CNTN5: variants seen among roughly 807,000 people sequenced by gnomAD.
CNTN5 encodes contactin 5, also known as contactin-5.
A neutral mutation model predicts 129.1 loss-of-function variants in CNTN5; 77 were observed. The ratio of observed to expected loss-of-function variants is 0.60; its 90% CI spans 0.50 to 0.72. The LOEUF is 0.72. CNTN5 is among the 30% of genes least tolerant of loss of function. The probability of loss-of-function intolerance (pLI) is 0.00; values close to 1 mark genes in which losing one functional copy is unlikely to be tolerated. For synonymous variants in CNTN5, 509 were observed against 465.6 expected, an observed-to-expected ratio of 1.09 and a Z score of -1.20; for missense variants, 1,478 against 1,328.8, an observed-to-expected ratio of 1.11 and a Z score of -1.75.
At chr11:99,728,377 C>CCAAATATA (rs1295023906) in intron 3 of CNTN5, among the ~76,000 whole-genome samples, 1 of 152,126 alleles carries the variant, frequency 6.6e-6, no homozygotes, top group Non-Finnish European at 1.5e-5. Flanking sequence ...CTTAAATTAA[C>CCAAATATA]CAAATATACT....
At chr11:100,119,049 A>AT (rs955703796) in intron 13 of CNTN5, among the ~76,000 whole-genome samples, 3 of 151,706 alleles carry the variant, frequency 2.0e-5, no homozygotes, top group Non-Finnish European at 4.4e-5. Context: ...GTTCAAAAAA[A>AT]AAACAAAAAA....
chr11:99,343,026 G>T (rs1447956105), intron 2 of CNTN5, among the ~76,000 whole-genome samples: 2 of 152,126 alleles, frequency 1.3e-5, no homozygotes, highest in Admixed American at 6.6e-5. Context: ...GGGAGCATTA[G>T]ATTGCTATCA....
chr11:99,785,573 A>T (rs1290494938), intron 3 of CNTN5, among the ~76,000 whole-genome samples: 1 of 152,164 alleles, frequency 6.6e-6, no homozygotes, highest in Admixed American at 6.5e-5. Flanking sequence ...ATTCCTGATG[A>T]ACATCGACGC....
intron 3 of CNTN5, among the ~76,000 whole-genome samples, chr11:99,701,795 T>C (rs1202922996): frequency 1.3e-5 from 2 of 151,172 alleles, no homozygotes; most frequent in African/African-American, 4.8e-5. Flanking sequence ...CAAAGTCTGT[T>C]AGAGTAACTA....
intron 1 of CNTN5, among the ~76,000 whole-genome samples, chr11:99,179,503 GA>G (rs1263882918): frequency 6.6e-6 from 1 of 151,814 alleles, no homozygotes; most frequent in Non-Finnish European, 1.5e-5. Flanking sequence ...AACAAAAAAA[GA>G]AATTTAACTA....
intron 7 of CNTN5, among the ~76,000 whole-genome samples, chr11:99,949,621 C>T (rs1230077720): frequency 3.3e-5 from 5 of 152,212 alleles, no homozygotes; most frequent in East Asian, 1.9e-4. Context: ...TTCAATACAA[C>T]GTAAATTAAA....
intron 3 of CNTN5, among the ~76,000 whole-genome samples, chr11:99,619,894 C>T (rs975577910): frequency 1.4e-4 from 21 of 151,774 alleles, no homozygotes; most frequent in African/African-American, 2.9e-4. Context: ...GGCATGGTGG[C>T]GGGCGCCTGT....
chr11:99,399,617 T>C (rs891103736), intron 2 of CNTN5, among the ~76,000 whole-genome samples: 1 of 146,652 alleles, frequency 6.8e-6, no homozygotes, highest in African/African-American at 2.5e-5. Flanking sequence ...CTTTTTTTTT[T>C]ATTAAGTGTT....
At chr11:99,606,755 G>A (rs2135716116) in intron 3 of CNTN5, among the ~76,000 whole-genome samples, 1 of 144,126 alleles carries the variant, frequency 6.9e-6, no homozygotes. Context: ...CAGAGATATA[G>A]ATCAATGGAA....
intron 3 of CNTN5, among the ~76,000 whole-genome samples, chr11:99,806,583 C>A (rs1053921510): frequency 6.6e-6 from 1 of 151,726 alleles, no homozygotes; most frequent in East Asian, 1.9e-4. Context: ...CTGAGGTGGG[C>A]AGATCATGAG....
chr11:99,613,627 T>G (rs1220071749), intron 3 of CNTN5, among the ~76,000 whole-genome samples: 1 of 152,144 alleles, frequency 6.6e-6, no homozygotes, highest in African/African-American at 2.4e-5. Context: ...GCAAAAAGAT[T>G]GAAATTTTAA....
At chr11:99,322,344 G>T (rs568548220) in intron 1 of CNTN5, among the ~76,000 whole-genome samples, 18 of 152,050 alleles carry the variant, frequency 1.2e-4, no homozygotes, top group African/African-American at 4.3e-4. Context: ...ACTTAGTGTT[G>T]GGCAATACAT....
intron 14 of CNTN5, 147 bp from the exon 15 acceptor site, chr11:100,193,341 C>CTAAT (rs1948547301): frequency 2.0e-6 from 1 of 503,312 alleles, no homozygotes; most frequent in East Asian, 3.3e-5. Context: ...CATCCAAAAG[C>CTAAT]TAATAAAGAT....
chr11:99,384,517 T>G (rs1442604933), intron 2 of CNTN5, among the ~76,000 whole-genome samples: 1 of 152,150 alleles, frequency 6.6e-6, no homozygotes, highest in Admixed American at 6.5e-5. Flanking sequence ...GAAGACATAT[T>G]CCAGGAAATT....
chr11:99,298,839 A>G (rs1397469521), intron 1 of CNTN5, among the ~76,000 whole-genome samples: 1 of 152,070 alleles, frequency 6.6e-6, no homozygotes, highest in Non-Finnish European at 1.5e-5. Context: ...CTCCAACCAG[A>G]GACATGCCAG....
At chr11:99,059,317 T>C (rs970801221) in intron 1 of CNTN5, among the ~76,000 whole-genome samples, 5 of 152,106 alleles carry the variant, frequency 3.3e-5, no homozygotes, top group African/African-American at 1.2e-4. Context: ...GACTATTCTT[T>C]TACAAAAAGC....
chr11:100,129,833 G>A (rs929190211), intron 13 of CNTN5, among the ~76,000 whole-genome samples: 7 of 148,196 alleles, frequency 4.7e-5, no homozygotes, highest in African/African-American at 1.8e-4. Context: ...ATATTTGTGT[G>A]TGTGTTTGTG....
chr11:99,902,854 T>C (rs1174937458), intron 6 of CNTN5, among the ~76,000 whole-genome samples: 5 of 152,012 alleles, frequency 3.3e-5, no homozygotes, highest in Non-Finnish European at 7.4e-5. Context: ...AATTAAAAGA[T>C]AGGAAAGAAA....
intron 7 of CNTN5, among the ~76,000 whole-genome samples, chr11:99,921,702 C>A (rs1281211176): frequency 2.0e-5 from 3 of 152,130 alleles, no homozygotes; most frequent in Non-Finnish European, 4.4e-5. Context: ...GTTTTGTTCA[C>A]TGTTATTACC....
Sources: gnomAD v4.1 joint callset for allele counts (sites outside exome capture counted in the v4.1 genomes callset) on GRCh38, gnomAD v4.1.1 for gene constraint, MANE v1.5 for transcripts, NCBI Gene and HGNC (gene_info 2026-07-23, HGNC 2026-07-21) for gene names.